The following CUX2 variants were observed in gnomAD, a reference collection of about 807,000 sequenced individuals.
CUX2 encodes homeobox protein cut-like 2.
In CUX2, 40 loss-of-function variants were observed where a neutral mutation model predicts 144.8. The ratio of observed to expected loss-of-function variants is 0.28; its 90% confidence interval spans 0.21 to 0.36. The LOEUF is 0.36. Among genes scored for constraint, CUX2 ranks in the 10% least tolerant of loss-of-function variants. The probability of loss-of-function intolerance (pLI) is 1.00; values close to 1 mark genes in which losing one functional copy is unlikely to be tolerated. For missense variants in CUX2, 1,615 were observed against 1,994.0 expected (o/e 0.81, Z 3.62); for synonymous variants, 827 against 875.6 (o/e 0.94, Z 0.98).
At position 111,287,724 on chromosome 12, in the gene CUX2, C is replaced by T. The variant is rs1458622710; in HGVS notation, c.302-3694C>T. 2.0e-5 allele frequency among the ~76,000 whole-genome samples: 3 copies of T among 152,260 alleles called. No individual in the cohort carries two copies. Among genetic ancestry groups the T allele is most frequent in the Non-Finnish European group, 4.4e-5 (3 of 68,054 alleles). Reference sequence around the variant, plus strand: ...TGAAAGCCACCGCCGCCTTCCCGCGCACCTGCTTACCTCGGCATGGACGCC... The same window carrying T: ...TGAAAGCCACCGCCGCCTTCCCGCGTACCTGCTTACCTCGGCATGGACGCC... On this transcript the variant is annotated intron_variant, in intron 4 of 21. Transcript: ENST00000261726. The surrounding 1 kb of genome is among the most constrained non-coding windows in gnomAD (Gnocchi z 4.2).
chr12:111,308,386 C>T (rs1023956847), intron 13 of CUX2, 41 bp from the exon 14 acceptor site: 45 of 1,613,714 alleles, frequency 2.8e-5, no homozygotes, highest in Non-Finnish European at 3.4e-5. Context: ...GTGAGCCTTC[C>T]GCCCACCAGG....
At chr12:111,128,899 G>C (rs751267656) in intron 1 of CUX2, among the ~76,000 whole-genome samples, 11 of 152,340 alleles carry the variant, frequency 7.2e-5, no homozygotes, top group Non-Finnish European at 1.2e-4. Flanking sequence ...GCCTAGACCT[G>C]TTGCAGAGCC....
Position 111,304,098 on chromosome 12 carries a change from A to G in CUX2, c.754-112A>G, listed in dbSNP as rs1235276197. ...CAGGGTCCGGGACTAGGAAGGCAGG[A>G]CCTGAGGCCCTCGGAGGTCTGCCTC... is the stretch of plus-strand genomic sequence containing the variant. On this transcript the variant is annotated intron_variant, in intron 9 of 21. Transcript: ENST00000261726. The surrounding 1 kb of genome is among the most constrained non-coding windows in gnomAD (Gnocchi z 4.7). 2 of 764,402 alleles carry G rather than the reference A, an allele frequency of 2.6e-6. No individual in the cohort carries two copies. Among genetic ancestry groups the G allele is most frequent in the South Asian group, 3.3e-5 (2 of 59,764 alleles). The allele number at this position is 764,402 out of a possible 1,614,324, so 47.4% of individuals were successfully genotyped here.
intron 1 of CUX2, among the ~76,000 whole-genome samples, chr12:111,075,836 G>A (rs1859648984): frequency 6.6e-6 from 1 of 152,130 alleles, no homozygotes; most frequent in South Asian, 2.1e-4. Context: ...GTTCCACTCT[G>A]CCTAGGAAAT....
rs1381476737 is a variant in CUX2 at position 111,057,940 on chromosome 12, A to ATT, written c.63+23702_63+23703dup. 2.0e-5 allele frequency among the ~76,000 whole-genome samples: 3 copies of ATT among 152,178 alleles called. No homozygotes were observed. Among genetic ancestry groups the ATT allele is most frequent in the Admixed American group, 1.3e-4 (2 of 15,272 alleles). On this transcript the variant is annotated intron_variant, in intron 1 of 21. Coordinates refer to ENST00000261726, the MANE Select transcript of CUX2 (RefSeq NM_015267.4). This position sits in a 1 kb window ranked among gnomAD's most constrained non-coding sequence, Gnocchi z 5.1. ...CCGTTAGCAGCCCTGGAAGCATGTA[A>ATT]TTTGGCCCCTCAGGCAACAGCACTT...
intron 1 of CUX2, among the ~76,000 whole-genome samples, chr12:111,092,390 G>A (rs1270309775): frequency 2.0e-5 from 3 of 152,302 alleles, no homozygotes; most frequent in African/African-American, 7.2e-5. Flanking sequence ...TAGGCTATTG[G>A]CCTTTCCTCA....
intron 1 of CUX2, among the ~76,000 whole-genome samples, chr12:111,130,493 A>G (rs1028188618): frequency 2.0e-5 from 3 of 152,294 alleles, no homozygotes; most frequent in Middle Eastern, 3.4e-3. Flanking sequence ...ATCCAGTTAT[A>G]CCCTTTGTAT....
chr12:111,316,691 C>T (rs1252290007), intron 16 of CUX2, among the ~76,000 whole-genome samples: 1 of 151,998 alleles, frequency 6.6e-6, no homozygotes, highest in Non-Finnish European at 1.5e-5. Flanking sequence ...GTCAAGTGAT[C>T]GGCCTGCCTC....
At chr12:111,162,434 GC>G (rs1466004380) in intron 1 of CUX2, among the ~76,000 whole-genome samples, 2 of 152,220 alleles carry the variant, frequency 1.3e-5, no homozygotes, top group Non-Finnish European at 2.9e-5. Context: ...GTGGGCTAAA[GC>G]CCATGTTGGA....
At chr12:111,336,045 T>C (rs1888335203) in intron 19 of CUX2, among the ~76,000 whole-genome samples, 1 of 152,106 alleles carries the variant, frequency 6.6e-6, no homozygotes, top group Non-Finnish European at 1.5e-5. Flanking sequence ...ACAAAGTGAA[T>C]GCAGGTCTGA....
intron 1 of CUX2, among the ~76,000 whole-genome samples, chr12:111,213,724 T>C (rs1303713188): frequency 6.6e-6 from 1 of 152,224 alleles, no homozygotes; most frequent in African/African-American, 2.4e-5. Context: ...AAGTAAGTCA[T>C]AGTTGGAGCC....
intron 3 of CUX2, among the ~76,000 whole-genome samples, chr12:111,228,659 G>A (rs2136241794): frequency 6.6e-6 from 1 of 152,128 alleles, no homozygotes; most frequent in South Asian, 2.1e-4. Context: ...CCTGACCTCA[G>A]GTGATCCACT....
At chr12:111,275,686 C>T (rs1282454051) in intron 4 of CUX2, among the ~76,000 whole-genome samples, 3 of 152,302 alleles carry the variant, frequency 2.0e-5, no homozygotes, top group East Asian at 1.9e-4. Context: ...GCGGAGTCCA[C>T]ATGATACTGG....
chr12:111,135,940 C>T (rs11065811), intron 1 of CUX2, among the ~76,000 whole-genome samples: 5,096 of 152,214 alleles, frequency 0.033, 298 homozygotes, highest in African/African-American at 0.11. Flanking sequence ...TGCCACTGAA[C>T]TGTGTGCATT....
chr12:111,325,197 G>A (rs1887715869), intron 18 of CUX2, among the ~76,000 whole-genome samples: 1 of 152,072 alleles, frequency 6.6e-6, no homozygotes, highest in South Asian at 2.1e-4. Context: ...AGGAGGCTGA[G>A]GCAGGAGAAT....
chr12:111,203,144 A>G (rs1015201888), intron 1 of CUX2, among the ~76,000 whole-genome samples: 8 of 151,714 alleles, frequency 5.3e-5, no homozygotes, highest in Admixed American at 3.9e-4. Flanking sequence ...AGGCAGGAGA[A>G]TCACTTGAAC....
At chr12:111,264,077 C>A (rs1884264148) in intron 4 of CUX2, among the ~76,000 whole-genome samples, 1 of 152,134 alleles carries the variant, frequency 6.6e-6, no homozygotes, top group Admixed American at 6.5e-5. Context: ...TTTAGGGGGA[C>A]TCCTGATGAG....
chr12:111,081,097 G>T (rs1871859192), intron 1 of CUX2, among the ~76,000 whole-genome samples: 1 of 152,104 alleles, frequency 6.6e-6, no homozygotes, highest in African/African-American at 2.4e-5. Flanking sequence ...TTGTGTCCAG[G>T]ACCCAGGCCT....
chr12:111,058,974 T>C (rs529506349), intron 1 of CUX2, among the ~76,000 whole-genome samples: 2 of 152,356 alleles, frequency 1.3e-5, no homozygotes, highest in East Asian at 1.9e-4. Context: ...AATATTGTTA[T>C]CTTTAAAGCA....
Sources: allele counts gnomAD v4.1 joint callset (sites outside exome capture counted in the v4.1 genomes callset), GRCh38; gene constraint gnomAD v4.1.1; non-coding constraint Gnocchi (gnomAD v3.1); transcripts MANE v1.5; gene names NCBI Gene and HGNC (gene_info 2026-07-23, HGNC 2026-07-21).